Variants in PDE3A observed in about 807,000 individuals in gnomAD.
The protein encoded by PDE3A is cGMP-inhibited 3',5'-cyclic phosphodiesterase 3A.
A neutral mutation model predicts 98.3 loss-of-function variants in PDE3A; 43 were observed. The ratio of observed to expected loss-of-function variants is 0.44; its 90% CI spans 0.34 to 0.56. PDE3A has a LOEUF of 0.56. Ranked by LOEUF, PDE3A falls within the 20% of genes least tolerant of loss-of-function variation. The probability of loss-of-function intolerance (pLI) is 0.01; values close to 1 mark genes in which losing one functional copy is unlikely to be tolerated. For missense variants in PDE3A, 1,427 were observed against 1,440.7 expected (o/e 0.99, Z 0.15); for synonymous variants, 663 against 567.9 (o/e 1.17, Z -2.38).
intron 15 of PDE3A, among the ~76,000 whole-genome samples, chr12:20,659,165 T>A (rs1198568635): frequency 6.6e-6 from 1 of 152,154 alleles, no homozygotes; most frequent in Non-Finnish European, 1.5e-5. Context: ...ATCATAATTT[T>A]TTTTTCCTTT....
At chr12:20,617,750 A>ATGGATC in intron 4 of PDE3A, among the ~76,000 whole-genome samples, 1 of 152,172 alleles carries the variant, frequency 6.6e-6, no homozygotes, top group Admixed American at 6.5e-5. Context: ...CTCTATGAAA[A>ATGGATC]ATCCACTCAT....
intron 15 of PDE3A, among the ~76,000 whole-genome samples, chr12:20,661,402 A>G (rs1027704993): frequency 2.0e-5 from 3 of 152,248 alleles, no homozygotes; most frequent in African/African-American, 4.8e-5. Flanking sequence ...AGAAATTTGC[A>G]TAAGTAATGA....
intron 2 of PDE3A, among the ~76,000 whole-genome samples, chr12:20,575,581 C>G (rs1379891391): frequency 6.6e-6 from 1 of 151,988 alleles, no homozygotes; most frequent in Non-Finnish European, 1.5e-5. Flanking sequence ...ATTTGGGAAT[C>G]TAACCTATTA....
Position 20,656,124 on chromosome 12 carries a change from A to T in PDE3A, c.3184+1919A>T, listed in dbSNP as rs192677286. 2.6e-5 allele frequency among the ~76,000 whole-genome samples: 4 copies of T among 152,342 alleles called. No homozygotes were observed. The East Asian group carries it at 7.7e-4, about 29-fold the overall frequency. On this transcript the variant is annotated intron_variant, in intron 15 of 15. Transcript: ENST00000359062. Reference sequence around the variant, plus strand: ...GCACAAATACTGCTCCTAAGAACATAGTATGTGATTTCTGTCTACCTTTAC... The same window carrying T: ...GCACAAATACTGCTCCTAAGAACATTGTATGTGATTTCTGTCTACCTTTAC...
At chr12:20,401,450 T>C (rs10770649) in intron 1 of PDE3A, among the ~76,000 whole-genome samples, 8,268 of 144,634 alleles carry the variant, frequency 0.057, 689 homozygotes, top group African/African-American at 0.17. Flanking sequence ...TCAGTCATTT[T>C]AAACTGCTAC....
At chr12:20,672,383 TC>T (rs1201772620) in intron 15 of PDE3A, among the ~76,000 whole-genome samples, 7 of 82,204 alleles carry the variant, frequency 8.5e-5, no homozygotes, top group African/African-American at 3.0e-4. Context: ...AGAGCCCGCA[TC>T]GCCAAGTCAA....
chr12:20,544,214 T>G (rs1281761412), intron 1 of PDE3A, among the ~76,000 whole-genome samples: 1 of 150,030 alleles, frequency 6.7e-6, no homozygotes, highest in Non-Finnish European at 1.5e-5. Flanking sequence ...TGTATATATA[T>G]TTCCCTAATA....
chr12:20,435,276 C>T (rs1312963718), intron 1 of PDE3A, among the ~76,000 whole-genome samples: 1 of 152,148 alleles, frequency 6.6e-6, no homozygotes. Context: ...CTCTGACTAG[C>T]ATTTGTATTC....
At chr12:20,443,688 A>G (rs1944906750) in intron 1 of PDE3A, among the ~76,000 whole-genome samples, 1 of 152,186 alleles carries the variant, frequency 6.6e-6, no homozygotes, top group African/African-American at 2.4e-5. Context: ...AGGCATTAGC[A>G]TAAATTAAGG....
At chr12:20,654,666 T>C (rs991278559) in intron 15 of PDE3A, among the ~76,000 whole-genome samples, 1 of 137,854 alleles carries the variant, frequency 7.3e-6, no homozygotes, top group East Asian at 2.1e-4. Flanking sequence ...CCGGCTTTTT[T>C]TTTTTTTTTT....
intron 1 of PDE3A, among the ~76,000 whole-genome samples, chr12:20,524,947 C>T (rs1592017941): frequency 1.3e-5 from 2 of 152,248 alleles, no homozygotes; most frequent in South Asian, 4.1e-4. Context: ...CCAGCCTGAC[C>T]AACACGGAGA....
intron 2 of PDE3A, among the ~76,000 whole-genome samples, chr12:20,579,128 C>T (rs773347915): frequency 3.3e-5 from 5 of 152,082 alleles, no homozygotes; most frequent in Non-Finnish European, 7.4e-5. Flanking sequence ...AGAAGATTTT[C>T]CATGAGAAAA....
In PDE3A at chr12:20,519,498, A is replaced by G. The variant is rs1946383649; in HGVS notation, c.961-37162A>G. On this transcript the variant is annotated intron_variant, in intron 1 of 15. Transcript: ENST00000359062. The stretch of plus-strand genomic sequence containing the variant: ...AAAAAATATTTTACTGTGTGCTCAT[A>G]GAACACATTGTATGAATTTGCCCTT... Among the ~76,000 whole-genome samples the G allele has an allele frequency of 2.0e-5, 3 of 152,362 alleles. No individual in the cohort carries two copies. The South Asian group carries it at 6.2e-4, about 32-fold the overall frequency.
intron 6 of PDE3A, among the ~76,000 whole-genome samples, chr12:20,630,495 A>G (rs911212544): frequency 6.6e-6 from 1 of 152,148 alleles, no homozygotes; most frequent in Non-Finnish European, 1.5e-5. Flanking sequence ...TCTCCAGGGA[A>G]TGGGTTACAT....
chr12:20,379,756 T>G (rs986160032), intron 1 of PDE3A, among the ~76,000 whole-genome samples: 27 of 151,872 alleles, frequency 1.8e-4, no homozygotes, highest in African/African-American at 6.5e-4. Flanking sequence ...TCAACAAAGC[T>G]ATACATTTTC....
At chr12:20,568,014 T>A (rs1182150524) in intron 2 of PDE3A, among the ~76,000 whole-genome samples, 1 of 151,948 alleles carries the variant, frequency 6.6e-6, no homozygotes, top group East Asian at 1.9e-4. Context: ...CTTATTACAA[T>A]GAGTATTGCT....
Position 20,531,625 on chromosome 12 carries a change from G to T in PDE3A, c.961-25035G>T, listed in dbSNP as rs138173187. Among the ~76,000 whole-genome samples, 13 of 152,150 alleles carry T rather than the reference G, an allele frequency of 8.5e-5. No homozygotes were observed. In the East Asian group the frequency reaches 2.3e-3, roughly 27 times the overall value. On this transcript the variant is annotated intron_variant, in intron 1 of 15. Transcript: ENST00000359062. ...AGAGAGGTGACATGAATTTCTGAAG[G>T]TTGCAGAACTGAGACTTAAAACTTA...
chr12:20,571,920 A>T, intron 2 of PDE3A: 1 of 1,057,772 alleles, frequency 9.5e-7, no homozygotes, highest in Non-Finnish European at 1.1e-6. Context: ...TGTTGAATCA[A>T]TGAATGAGAG....
At position 20,583,659 on chromosome 12, in the gene PDE3A, G is replaced by C. The variant is rs573222938; in HGVS notation, c.1011+26949G>C. Among the ~76,000 whole-genome samples the C allele has an allele frequency of 8.5e-5, 13 of 152,150 alleles. No homozygotes were observed. The East Asian group carries it at 2.3e-3, about 27-fold the overall frequency. The stretch of plus-strand genomic sequence containing the variant: ...GTACCTACTTTTCTGGATCATAAGA[G>C]GACTAATGAAATAATCTATATAAAG... On this transcript the variant is annotated intron_variant, in intron 2 of 15. Transcript: ENST00000359062.
Sources: allele counts gnomAD v4.1 joint callset (sites outside exome capture counted in the v4.1 genomes callset), GRCh38; gene constraint gnomAD v4.1.1; transcripts MANE v1.5; gene names NCBI Gene and HGNC (gene_info 2026-07-23, HGNC 2026-07-21).